Variants in FAT3 observed in about 807,000 individuals in gnomAD.
FAT3 encodes protocadherin Fat 3.
Under a neutral mutation model 310.2 loss-of-function variants are expected in FAT3, and 95 were observed. The observed-to-expected ratio is 0.31, with a 90% CI of 0.26 to 0.36. The LOEUF (loss-of-function observed/expected upper bound fraction) is 0.36. Ranked by LOEUF, FAT3 falls within the 10% of genes least tolerant of loss-of-function variation. The pLI, the probability that FAT3 is intolerant of heterozygous loss-of-function variation, is 1.00. For missense variants in FAT3, 5,408 were observed against 5,715.6 expected (o/e 0.95, Z 1.74); for synonymous variants, 2,314 against 2,192.9 (o/e 1.06, Z -1.54).
intron 1 of FAT3, among the ~76,000 whole-genome samples, chr11:92,290,207 T>C (rs1486410837): frequency 6.6e-6 from 1 of 152,152 alleles, no homozygotes; most frequent in African/African-American, 2.4e-5. Context: ...TCCTGCCTTC[T>C]TTCTCTCTAT....
chr11:92,507,478 GGT>G (rs1259666876), intron 2 of FAT3, among the ~76,000 whole-genome samples: 1 of 151,118 alleles, frequency 6.6e-6, no homozygotes, highest in Non-Finnish European at 1.5e-5. Flanking sequence ...TATGTGTGGG[GGT>G]GTGTGTATAT....
chr11:92,224,991 G>A lies in FAT3; in HGVS notation c.-201G>A, dbSNP rs984106609. On this transcript the variant is annotated 5_prime_UTR_variant, in exon 1 of 28. Transcript: ENST00000525166. ...CCGCTTGCGAACCCCCGGCGGCGGC[G>A]GCGGCGGCGTCCCGAGCGCAGAGCG... Among the ~76,000 whole-genome samples, 1 of 152,058 alleles carries A rather than the reference G, an allele frequency of 6.6e-6. No individual in the cohort carries two copies. The highest frequency in any genetic ancestry group is 2.4e-5 in the African/African-American group (1 of 41,422).
intron 2 of FAT3, among the ~76,000 whole-genome samples, chr11:92,367,843 G>A (rs1591179845): frequency 6.6e-6 from 1 of 152,194 alleles, no homozygotes; most frequent in Non-Finnish European, 1.5e-5. Flanking sequence ...GCACTGAGGT[G>A]AGTTGATAAT....
chr11:92,615,423 T>C (rs1034578861), intron 3 of FAT3, among the ~76,000 whole-genome samples: 1 of 151,986 alleles, frequency 6.6e-6, no homozygotes, highest in African/African-American at 2.4e-5. Flanking sequence ...ATTTTTGTAT[T>C]TTTAGTGGAG....
At chr11:92,850,289 A>G (rs1424967843) in intron 19 of FAT3, among the ~76,000 whole-genome samples, 7 of 152,170 alleles carry the variant, frequency 4.6e-5, no homozygotes, top group South Asian at 2.1e-4. Flanking sequence ...TCCAGTACGC[A>G]TGAGTCCCAC....
intron 3 of FAT3, among the ~76,000 whole-genome samples, chr11:92,680,488 C>A (rs1372792499): frequency 6.6e-6 from 1 of 152,146 alleles, no homozygotes; most frequent in African/African-American, 2.4e-5. Context: ...TATACCAGTA[C>A]CATGTGGTTT....
chr11:92,740,453 A>G (rs1945476111), intron 4 of FAT3, among the ~76,000 whole-genome samples: 1 of 152,204 alleles, frequency 6.6e-6, no homozygotes, highest in South Asian at 2.1e-4. Context: ...CTGAGGCGGA[A>G]TGACTAGAAC....
chr11:92,732,865 G>C (rs754128174), intron 4 of FAT3, among the ~76,000 whole-genome samples: 4 of 152,206 alleles, frequency 2.6e-5, no homozygotes, highest in Non-Finnish European at 4.4e-5. Flanking sequence ...AGTTTGATAA[G>C]TGCTTTGGGA....
chr11:92,600,053 A>G (rs951365254), intron 3 of FAT3, among the ~76,000 whole-genome samples: 3 of 152,152 alleles, frequency 2.0e-5, no homozygotes, highest in African/African-American at 7.2e-5. Context: ...ATGTCTATAC[A>G]TGCTCTCTTT....
chr11:92,432,890 C>A (rs1299838471), intron 2 of FAT3, among the ~76,000 whole-genome samples: 1 of 152,200 alleles, frequency 6.6e-6, no homozygotes. Flanking sequence ...TATCTATAAG[C>A]CCCTAACTGG....
At position 92,401,452 on chromosome 11, in the gene FAT3, G is replaced by A. The variant is rs572481676; in HGVS notation, c.3292+46048G>A. 4.6e-5 allele frequency among the ~76,000 whole-genome samples: 7 copies of A among 152,254 alleles called. No homozygotes were observed. In the South Asian group the frequency reaches 8.3e-4, roughly 18 times the overall value. On this transcript the variant is annotated intron_variant, in intron 2 of 27. Transcript: ENST00000525166. ...TGAAAACTTATCCCAGCTGGGAGAC[G>A]AGAATTTGGTCCAAAGAAATAAAAA...
intron 2 of FAT3, among the ~76,000 whole-genome samples, chr11:92,409,471 C>G (rs889481383): frequency 6.6e-6 from 1 of 152,146 alleles, no homozygotes; most frequent in Non-Finnish European, 1.5e-5. Flanking sequence ...GAGCTAATAT[C>G]AGCCCTCCAC....
intron 1 of FAT3, among the ~76,000 whole-genome samples, chr11:92,313,531 T>C (rs2134463339): frequency 6.6e-6 from 1 of 152,326 alleles, no homozygotes; most frequent in East Asian, 1.9e-4. Context: ...TTTTTGATTG[T>C]TGTACCTCAA....
At chr11:92,630,485 A>G (rs140350148) in intron 3 of FAT3, among the ~76,000 whole-genome samples, 1 of 152,284 alleles carries the variant, frequency 6.6e-6, no homozygotes, top group African/African-American at 2.4e-5. Flanking sequence ...TGCTGAGTAT[A>G]TGTGTGTCTG....
intron 2 of FAT3, among the ~76,000 whole-genome samples, chr11:92,414,049 T>C (rs1452365354): frequency 6.6e-6 from 1 of 152,180 alleles, no homozygotes; most frequent in Non-Finnish European, 1.5e-5. Context: ...CTGGCGGTGC[T>C]GCCTTATGCG....
chr11:92,246,847 T>A (rs1323807002), intron 1 of FAT3, among the ~76,000 whole-genome samples: 1 of 152,050 alleles, frequency 6.6e-6, no homozygotes, highest in Admixed American at 6.6e-5. Context: ...TAGAGGTTAC[T>A]GAGAGTTGCA....
intron 3 of FAT3, among the ~76,000 whole-genome samples, chr11:92,601,902 C>A (rs1177370113): frequency 2.6e-5 from 4 of 151,966 alleles, no homozygotes; most frequent in Non-Finnish European, 4.4e-5. Context: ...TAGTACTTAA[C>A]ATTTACTGCC....
chr11:92,678,750 T>G (rs1360468095), intron 3 of FAT3, among the ~76,000 whole-genome samples: 1 of 152,190 alleles, frequency 6.6e-6, no homozygotes, highest in East Asian at 1.9e-4. Flanking sequence ...TGCTTAGTAA[T>G]TTACATCTGG....
intron 2 of FAT3, among the ~76,000 whole-genome samples, chr11:92,371,464 C>A (rs1415383184): frequency 6.6e-6 from 1 of 152,186 alleles, no homozygotes; most frequent in Non-Finnish European, 1.5e-5. Flanking sequence ...TGCCTATAAT[C>A]CCAGCACTTT....
Sources: gnomAD v4.1 joint callset for allele counts (sites outside exome capture counted in the v4.1 genomes callset) on GRCh38, gnomAD v4.1.1 for gene constraint, MANE v1.5 for transcripts, NCBI Gene and HGNC (gene_info 2026-07-23, HGNC 2026-07-21) for gene names.